The following ST8SIA6 variants were observed in gnomAD, a reference collection of about 807,000 sequenced individuals.
ST8SIA6 encodes the protein ST8 alpha-N-acetyl-neuraminide alpha-2,8-sialyltransferase 6, also known as alpha-2,8-sialyltransferase 8F.
In ST8SIA6, 39 loss-of-function variants were observed where a neutral mutation model predicts 33.6. The observed-to-expected ratio is 1.16, with a 90% confidence interval of 0.90 to 1.52. ST8SIA6 has a LOEUF of 1.52. Ranked by LOEUF, ST8SIA6 falls within the 40% of genes most tolerant of loss-of-function variation. The pLI, the probability that ST8SIA6 is intolerant of heterozygous loss-of-function variation, is 0.00. For missense variants in ST8SIA6, 441 were observed against 443.8 expected (o/e 0.99, Z 0.06); for synonymous variants, 172 against 167.2 (o/e 1.03, Z -0.22).
chr10:17,437,538 C>A (rs925330876), intron 2 of ST8SIA6, among the ~76,000 whole-genome samples: 3 of 151,932 alleles, frequency 2.0e-5, no homozygotes, highest in Admixed American at 2.0e-4. Flanking sequence ...GCAGACTCAC[C>A]TTGGAGAGAT....
rs1053164492 is a variant in ST8SIA6, at chr10:17,316,163, G to A, written c.*4715C>T. 1.8e-4 allele frequency among the ~76,000 whole-genome samples: 28 copies of A among 151,844 alleles called. No individual in the cohort carries two copies. Among genetic ancestry groups the A allele is most frequent in the Non-Finnish European group, 7.4e-5 (5 of 67,866 alleles). Reference sequence around the variant, plus strand: ...TCTTCTTTATCCCTAAACCCACTCCGATTACCCTCTTCTTAATGGGTACCC... The same window carrying A: ...TCTTCTTTATCCCTAAACCCACTCCAATTACCCTCTTCTTAATGGGTACCC... On this transcript the variant is annotated 3_prime_UTR_variant, in exon 8 of 8. Transcript: ENST00000377602.
At chr10:17,385,621 CAGG>C (rs1024699403) in intron 3 of ST8SIA6, among the ~76,000 whole-genome samples, 1 of 151,980 alleles carries the variant, frequency 6.6e-6, no homozygotes, top group Non-Finnish European at 1.5e-5. Flanking sequence ...ACATATTGTC[CAGG>C]AGAAGGAATG....
chr10:17,390,108 G>A (rs1197605329), intron 3 of ST8SIA6, among the ~76,000 whole-genome samples: 3 of 152,078 alleles, frequency 2.0e-5, no homozygotes, highest in Admixed American at 1.3e-4. Context: ...TCCTGGCTCC[G>A]CCTCTTGAGT....
rs758105919 is a variant in ST8SIA6, at chr10:17,318,768, G to A, written c.*2110C>T. ...AAATTTGCAATGATTCACCAATACAGAACAAAAAGAACTGTGACTTACGTT... is the reference window on the plus strand; with the variant it reads ...AAATTTGCAATGATTCACCAATACAAAACAAAAAGAACTGTGACTTACGTT... On this transcript the variant is annotated 3_prime_UTR_variant, in exon 8 of 8. Transcript: ENST00000377602. 2.8e-5 allele frequency: 13 copies of A among 466,682 alleles called. No individual in the cohort carries two copies. The highest frequency in any genetic ancestry group is 4.9e-4 in the Middle Eastern group (1 of 2,044). 28.9% of individuals were successfully genotyped at this position (466,682 alleles called of 1,614,324 possible). A position where few individuals can be genotyped will look rare whatever the true frequency, so the allele number is the denominator to read the frequency against.
chr10:17,379,596 T>G (rs921845277), intron 3 of ST8SIA6, among the ~76,000 whole-genome samples: 4 of 152,202 alleles, frequency 2.6e-5, no homozygotes, highest in Admixed American at 2.0e-4. Context: ...CTCAAAAGAA[T>G]GCAACCGTTT....
rs916985425 is a variant in ST8SIA6, at chr10:17,420,240, G to A, written c.201-29620C>T. Among the ~76,000 whole-genome samples the A allele has an allele frequency of 5.9e-5, 9 of 152,100 alleles. No individual in the cohort carries two copies. In the East Asian group the frequency reaches 7.8e-4, roughly 13 times the overall value. ...CATCCTGGCTACACGGGGAAACCCCGTCTCTACTAAAAATACAAAAAATTA... is the reference window on the plus strand; with the variant it reads ...CATCCTGGCTACACGGGGAAACCCCATCTCTACTAAAAATACAAAAAATTA... On this transcript the variant is annotated intron_variant, in intron 2 of 7. Coordinates refer to ENST00000377602, the MANE Select transcript of ST8SIA6 (RefSeq NM_001004470.3).
intron 2 of ST8SIA6, among the ~76,000 whole-genome samples, chr10:17,420,553 G>A (rs1851750108): frequency 6.6e-6 from 1 of 152,228 alleles, no homozygotes. Context: ...AGATACTCAT[G>A]CATATCTCCT....
rs1357645365 is a variant in ST8SIA6 at position 17,315,871 on chromosome 10, C to T, written c.*5007G>A. On this transcript the variant is annotated 3_prime_UTR_variant, in exon 8 of 8. Transcript: ENST00000377602. ...GTATATGCATGTACATAAATATGTG[C>T]CATTTATTACATGTCAATGACATGG... Among the ~76,000 whole-genome samples, 7 of 151,770 alleles carry T rather than the reference C, an allele frequency of 4.6e-5. No homozygotes were observed. The highest frequency in any genetic ancestry group is 1.7e-4 in the African/African-American group (7 of 41,336).
intron 2 of ST8SIA6, among the ~76,000 whole-genome samples, chr10:17,400,872 G>C (rs532406595): frequency 5.9e-5 from 9 of 152,312 alleles, no homozygotes; most frequent in South Asian, 4.1e-4. Context: ...AGTGGCATGA[G>C]ACAGGGATGC....
intron 3 of ST8SIA6, among the ~76,000 whole-genome samples, chr10:17,387,888 C>A (rs1850440327): frequency 6.6e-6 from 1 of 152,226 alleles, no homozygotes; most frequent in Non-Finnish European, 1.5e-5. Context: ...CCATGAAATG[C>A]CCACTGTATA....
At chr10:17,443,354 TC>T (rs1423417063) in intron 2 of ST8SIA6, among the ~76,000 whole-genome samples, 2 of 152,208 alleles carry the variant, frequency 1.3e-5, no homozygotes, top group Admixed American at 6.5e-5. Context: ...AAGACAGCAT[TC>T]CAACAGAGGT....
At chr10:17,449,134 G>A (rs977887232) in intron 2 of ST8SIA6, among the ~76,000 whole-genome samples, 3 of 150,708 alleles carry the variant, frequency 2.0e-5, no homozygotes, top group African/African-American at 7.4e-5. Flanking sequence ...TGCATTCAAT[G>A]GAAAATTCAT....
intron 4 of ST8SIA6, 133 bp from the exon 5 acceptor site, chr10:17,331,685 G>A: frequency 3.2e-6 from 3 of 934,558 alleles, no homozygotes; most frequent in Non-Finnish European, 4.4e-6. Flanking sequence ...TCACAAAGAT[G>A]ACTTTGATTT....
At chr10:17,418,993 CAAAAAAAA>C (rs910044275) in intron 2 of ST8SIA6, among the ~76,000 whole-genome samples, 1 of 56,140 alleles carries the variant, frequency 1.8e-5, no homozygotes, top group African/African-American at 6.2e-5. Flanking sequence ...GGCTCCATCT[CAAAAAAAA>C]AAAAAAAAAA....
At chr10:17,386,230 A>C (rs1850341567) in intron 3 of ST8SIA6, among the ~76,000 whole-genome samples, 1 of 150,982 alleles carries the variant, frequency 6.6e-6, no homozygotes, top group African/African-American at 2.4e-5. Context: ...GGTGGCTCGC[A>C]CCTGTAATCC....
chr10:17,333,706 TATATATA>T (rs1848394860), intron 4 of ST8SIA6, among the ~76,000 whole-genome samples: 3 of 30,834 alleles, frequency 9.7e-5, no homozygotes, highest in East Asian at 2.8e-3. Context: ...TATATATATA[TATATATA>T]TATATTTTTT....
At chr10:17,401,217 T>G (rs1370356865) in intron 2 of ST8SIA6, among the ~76,000 whole-genome samples, 1 of 152,070 alleles carries the variant, frequency 6.6e-6, no homozygotes, top group African/African-American at 2.4e-5. Flanking sequence ...GGAATCCAAC[T>G]TACAAGGGAT....
chr10:17,414,650 G>C (rs983495041), intron 2 of ST8SIA6, among the ~76,000 whole-genome samples: 2 of 152,200 alleles, frequency 1.3e-5, no homozygotes, highest in African/African-American at 4.8e-5. Flanking sequence ...CTGCCTGCTG[G>C]CTGGGTCCTC....
At chr10:17,381,399 G>A (rs425822) in intron 3 of ST8SIA6, among the ~76,000 whole-genome samples, 42,456 of 151,628 alleles carry the variant, frequency 0.28, 6,630 homozygotes, top group East Asian at 0.64. Flanking sequence ...TGCCTAATAC[G>A]TCTTTATATG....
Sources: allele counts gnomAD v4.1 joint callset (sites outside exome capture counted in the v4.1 genomes callset), GRCh38; gene constraint gnomAD v4.1.1; transcripts MANE v1.5; gene names NCBI Gene and HGNC (gene_info 2026-07-23, HGNC 2026-07-21).